Variants in KLF12 observed in about 807,000 individuals in gnomAD.
KLF12 encodes the protein Krueppel-like factor 12.
A neutral mutation model predicts 37.8 loss-of-function variants in KLF12; 9 were observed. That is an observed-to-expected ratio of 0.24 (90% CI 0.14 to 0.42). The LOEUF is 0.42. KLF12 is among the 10% of genes least tolerant of loss of function. KLF12 has a pLI of 1.00. For missense variants in KLF12, 411 were observed against 516.0 expected (o/e 0.80, Z 1.97); for synonymous variants, 208 against 202.1 (o/e 1.03, Z -0.25).
At position 73,695,034 on chromosome 13, in the gene KLF12, T is replaced by C. The variant is rs1418322075; in HGVS notation, c.*456A>G. The C allele has an allele frequency of 6.5e-6, 1 of 154,804 alleles. No homozygotes were observed. The highest frequency in any genetic ancestry group is 6.4e-5 in the Admixed American group (1 of 15,584). 9.6% of individuals were successfully genotyped at this position (154,804 alleles called of 1,614,324 possible). A position where few individuals can be genotyped will look rare whatever the true frequency, so the allele number is the denominator to read the frequency against. On this transcript the variant is annotated 3_prime_UTR_variant, in exon 8 of 8. Transcript: ENST00000377669. ...TTGCTGGTAACAGATTGGATGTGTG[T>C]TCTAGCTTACTCAGATTGTAACTAA...
intron 3 of KLF12, among the ~76,000 whole-genome samples, chr13:73,915,851 T>C (rs1223329156): frequency 6.6e-6 from 1 of 151,940 alleles, no homozygotes; most frequent in African/African-American, 2.4e-5. Flanking sequence ...ATTTTTGAAT[T>C]TAGGATTGAC....
chr13:74,299,817 T>C, the KLF12 span, among the ~76,000 whole-genome samples: 1 of 152,192 alleles, frequency 6.6e-6, no homozygotes, highest in Non-Finnish European at 1.5e-5. Flanking sequence ...TTTGGGCCAA[T>C]GGAGGGCCCA....
intron 3 of KLF12, among the ~76,000 whole-genome samples, chr13:73,884,618 T>G (rs1371568761): frequency 6.6e-6 from 1 of 152,232 alleles, no homozygotes; most frequent in Non-Finnish European, 1.5e-5. Flanking sequence ...CAACAGAACT[T>G]TCTGCATGAT....
At chr13:73,972,642 T>C (rs1239668643) in intron 2 of KLF12, among the ~76,000 whole-genome samples, 1 of 147,516 alleles carries the variant, frequency 6.8e-6, no homozygotes, top group Non-Finnish European at 1.5e-5. Context: ...ACAGCTACAG[T>C]GGAGCAACTT....
chr13:73,921,399 C>T (rs953340754), intron 3 of KLF12, among the ~76,000 whole-genome samples: 4 of 152,094 alleles, frequency 2.6e-5, no homozygotes, highest in Admixed American at 6.6e-5. Flanking sequence ...GCCTACAACA[C>T]AAAAGCTGGC....
intron 2 of KLF12, among the ~76,000 whole-genome samples, chr13:73,964,721 C>T (rs1891127440): frequency 6.6e-6 from 1 of 152,026 alleles, no homozygotes; most frequent in Non-Finnish European, 1.5e-5. Flanking sequence ...TGGCTCATGC[C>T]TATAAATCCC....
intron 6 of KLF12, among the ~76,000 whole-genome samples, chr13:73,744,640 A>G (rs2137916973): frequency 6.6e-6 from 1 of 152,222 alleles, no homozygotes; most frequent in South Asian, 2.1e-4. Context: ...GAACTGCTAT[A>G]GAGCCCCAGG....
rs138002893 is a variant in KLF12, at chr13:73,739,237, TTAATAATAATAATAA to T, written c.870-23727_870-23713del. 5.6e-5 allele frequency among the ~76,000 whole-genome samples: 8 copies of T among 143,602 alleles called. No individual in the cohort carries two copies. The South Asian group carries it at 6.8e-4, about 12-fold the overall frequency. 94.2% of individuals were successfully genotyped at this position (143,602 alleles called of 152,430 possible). A position where few individuals can be genotyped will look rare whatever the true frequency, so the allele number is the denominator to read the frequency against. On this transcript the variant is annotated intron_variant, in intron 6 of 7. Coordinates refer to ENST00000377669, the MANE Select transcript of KLF12 (RefSeq NM_007249.5). ...TGACAGAGTGAGACTCTGTCTCAAATTAATAATAATAATAATAATAATAATAATAATAATAATAAA... is the reference window on the plus strand; with the variant it reads ...TGACAGAGTGAGACTCTGTCTCAAATTAATAATAATAATAATAATAATAAA...
intron 6 of KLF12, among the ~76,000 whole-genome samples, chr13:73,747,981 T>C (rs1219799359): frequency 6.6e-6 from 1 of 152,232 alleles, no homozygotes; most frequent in East Asian, 1.9e-4. Context: ...AAAATATCAT[T>C]GAAAGGTGGT....
the KLF12 span, among the ~76,000 whole-genome samples, chr13:74,260,904 GA>G: frequency 2.0e-5 from 3 of 152,022 alleles, no homozygotes; most frequent in East Asian, 3.9e-4. Context: ...ATGTAGGTGA[GA>G]AAAAATGAAA....
intron 1 of KLF12, among the ~76,000 whole-genome samples, chr13:74,107,729 C>T (rs1209323235): frequency 5.9e-5 from 9 of 152,256 alleles, no homozygotes; most frequent in African/African-American, 1.9e-4. Flanking sequence ...GAAGCCAAGA[C>T]AAATCATTAA....
Position 73,845,863 on chromosome 13 carries a change from C to T in KLF12, c.634G>A (p.Val212Met), listed in dbSNP as rs375091947. 59 of 1,614,058 alleles carry T rather than the reference C, an allele frequency of 3.7e-5. No homozygotes were observed. In the Middle Eastern group the frequency reaches 5.0e-4, roughly 14 times the overall value. The change falls in exon 4 of 8, where the codon GTG (valine) becomes ATG (methionine). Residue 212 changes from valine to methionine, a missense_variant. By Grantham distance (21) the Val-to-Met change is conservative. This residue lies in a region of KLF12 where 351 missense variants were observed against 397.8 expected (regional missense o/e 0.88). Transcript: ENST00000377669. ...CCTCTCCCATCCTCCAAAAGCGGCA[C>T]GACAATAGTGTTGTTCACATTTCCA...
chr13:73,927,339 G>A (rs776983556), intron 3 of KLF12, among the ~76,000 whole-genome samples: 2 of 152,136 alleles, frequency 1.3e-5, no homozygotes, highest in Non-Finnish European at 2.9e-5. Context: ...CAGTTTTCTT[G>A]TACAAAGCAA....
chr13:74,292,773 C>T, the KLF12 span, among the ~76,000 whole-genome samples: 1 of 152,188 alleles, frequency 6.6e-6, no homozygotes, highest in African/African-American at 2.4e-5. Context: ...CTATGACTCT[C>T]TTTCCCATAA....
intron 3 of KLF12, among the ~76,000 whole-genome samples, chr13:73,886,824 T>C (rs542273079): frequency 4.2e-4 from 64 of 152,034 alleles, no homozygotes; most frequent in African/African-American, 1.5e-3. Context: ...AAACCCAGTC[T>C]CTACTAAAAA....
chr13:73,735,636 G>C (rs1030423644), intron 6 of KLF12, among the ~76,000 whole-genome samples: 1 of 152,196 alleles, frequency 6.6e-6, no homozygotes. Flanking sequence ...AAAGGGTAAA[G>C]TGATCTACTT....
chr13:74,165,561 A>C, the KLF12 span, among the ~76,000 whole-genome samples: 4 of 152,014 alleles, frequency 2.6e-5, no homozygotes, highest in Non-Finnish European at 4.4e-5. Context: ...AGCCTCCCAG[A>C]GTGCTGGAAT....
the KLF12 span, among the ~76,000 whole-genome samples, chr13:74,220,449 T>A: frequency 1.3e-5 from 2 of 152,344 alleles, no homozygotes; most frequent in South Asian, 4.1e-4. Context: ...TACATGATGT[T>A]TTGATATATG....
At position 74,126,236 on chromosome 13, in the gene KLF12, T is replaced by C. The variant is rs528480028; in HGVS notation, c.-32+7503A>G. On this transcript the variant is annotated intron_variant, in intron 1 of 7. Coordinates refer to ENST00000377669, the MANE Select transcript of KLF12 (RefSeq NM_007249.5). ...CTATACCTATATTATACAAATATCA[T>C]TGAATATTTATTTAATAAAGGATGG... Among the ~76,000 whole-genome samples, 5 of 152,284 alleles carry C rather than the reference T, an allele frequency of 3.3e-5. No homozygotes were observed. The South Asian group carries it at 8.3e-4, about 25-fold the overall frequency.
Sources: allele counts gnomAD v4.1 joint callset (sites outside exome capture counted in the v4.1 genomes callset), GRCh38; gene constraint gnomAD v4.1.1; regional missense constraint gnomAD v4.1.1; transcripts MANE v1.5; gene names NCBI Gene and HGNC (gene_info 2026-07-23, HGNC 2026-07-21).